DPYD: variants seen among roughly 807,000 people sequenced by gnomAD.
The protein encoded by DPYD is dihydropyrimidine dehydrogenase [NADP(+)].
In DPYD, 109 loss-of-function variants were observed where a neutral mutation model predicts 116.2. The ratio of observed to expected loss-of-function variants is 0.94; its 90% CI spans 0.80 to 1.10. DPYD has a LOEUF of 1.10. Among genes scored for constraint, DPYD ranks in the 50% least tolerant of loss-of-function variants. The pLI is 0.00. For synonymous variants in DPYD, 440 were observed against 432.0 expected (o/e 1.02, Z -0.23); for missense variants, 1,302 against 1,254.5 (o/e 1.04, Z -0.57).
At chr1:97,729,271 T>G (rs1242482944) in intron 4 of DPYD, among the ~76,000 whole-genome samples, 2 of 152,136 alleles carry the variant, frequency 1.3e-5, no homozygotes, top group Non-Finnish European at 2.9e-5. Context: ...CTGCTTATAC[T>G]ATGCACAAGC....
chr1:97,471,998 A>C (rs984080214), intron 13 of DPYD, among the ~76,000 whole-genome samples: 5 of 152,252 alleles, frequency 3.3e-5, no homozygotes, highest in Non-Finnish European at 7.3e-5. Context: ...AGACTTAAAG[A>C]CAGGTCATAT....
intron 2 of DPYD, among the ~76,000 whole-genome samples, chr1:97,853,492 T>C (rs1045144207): frequency 3.3e-5 from 5 of 152,214 alleles, no homozygotes; most frequent in African/African-American, 1.2e-4. Flanking sequence ...ACCTTAAGGC[T>C]GATTTTGTTC....
At chr1:97,469,252 G>T (rs1242023593) in intron 13 of DPYD, among the ~76,000 whole-genome samples, 1 of 151,910 alleles carries the variant, frequency 6.6e-6, no homozygotes, top group African/African-American at 2.4e-5. Context: ...TAGGTCTCCA[G>T]AAGCCTTTTA....
intron 14 of DPYD, among the ~76,000 whole-genome samples, chr1:97,437,047 AAAT>A (rs1451681686): frequency 1.3e-5 from 2 of 151,778 alleles, no homozygotes; most frequent in Non-Finnish European, 2.9e-5. Context: ...AGTATACAAT[AAAT>A]TATACATACT....
intron 8 of DPYD, among the ~76,000 whole-genome samples, chr1:97,610,426 C>A (rs1173560437): frequency 6.6e-6 from 1 of 152,022 alleles, no homozygotes; most frequent in Non-Finnish European, 1.5e-5. Context: ...GTGCAGACTC[C>A]TGATTCTGGA....
At chr1:97,918,686 C>T (rs1004624400) in intron 1 of DPYD, among the ~76,000 whole-genome samples, 56 of 152,164 alleles carry the variant, frequency 3.7e-4, no homozygotes, top group Non-Finnish European at 4.4e-5. Context: ...TTGGCTGTTT[C>T]ACTGAAACCT....
chr1:97,606,342 G>A (rs2100736883), intron 8 of DPYD, among the ~76,000 whole-genome samples: 1 of 152,078 alleles, frequency 6.6e-6, no homozygotes, highest in African/African-American at 2.4e-5. Flanking sequence ...AGAAGGACAT[G>A]TAATAAAAAA....
chr1:97,299,914 G>T (rs1570461786), intron 18 of DPYD, among the ~76,000 whole-genome samples: 1 of 151,984 alleles, frequency 6.6e-6, no homozygotes, highest in East Asian at 1.9e-4. Flanking sequence ...ATGAAAGAGG[G>T]GATTCTTTGT....
chr1:97,529,762 TTCTC>T (rs147792292), intron 12 of DPYD, among the ~76,000 whole-genome samples: 24,008 of 145,398 alleles, frequency 0.17, 2,053 homozygotes, highest in East Asian at 0.22. Flanking sequence ...CTTTCTTTCT[TTCTC>T]TTTCTTCTTT....
intron 19 of DPYD, among the ~76,000 whole-genome samples, chr1:97,227,530 C>T (rs1661273086): frequency 6.6e-6 from 1 of 151,618 alleles, no homozygotes; most frequent in Non-Finnish European, 1.5e-5. Context: ...TAAATATGTA[C>T]ACCTACTATG....
At chr1:97,179,425 T>G (rs1477235564) in intron 20 of DPYD, among the ~76,000 whole-genome samples, 1 of 151,970 alleles carries the variant, frequency 6.6e-6, no homozygotes, top group Non-Finnish European at 1.5e-5. Context: ...GCTGAGCAAA[T>G]GAAGAGACTA....
intron 2 of DPYD, among the ~76,000 whole-genome samples, chr1:97,871,411 C>T (rs951693886): frequency 2.0e-5 from 3 of 151,698 alleles, no homozygotes; most frequent in Non-Finnish European, 4.4e-5. Context: ...ACTCTTGGGC[C>T]ATTCTAAGAG....
chr1:97,583,358 G>A (rs888065843), intron 10 of DPYD, among the ~76,000 whole-genome samples: 8 of 152,068 alleles, frequency 5.3e-5, no homozygotes, highest in African/African-American at 1.9e-4. Flanking sequence ...GGGTACATGT[G>A]CACAATGTGC....
At chr1:97,767,374 G>A (rs1665920771) in intron 3 of DPYD, among the ~76,000 whole-genome samples, 1 of 151,994 alleles carries the variant, frequency 6.6e-6, no homozygotes, top group African/African-American at 2.4e-5. Flanking sequence ...CTTATCAAAG[G>A]GTAGGCTTTT....
intron 16 of DPYD, among the ~76,000 whole-genome samples, chr1:97,314,990 G>A (rs1667730788): frequency 1.3e-5 from 2 of 152,096 alleles, no homozygotes; most frequent in South Asian, 4.1e-4. Flanking sequence ...TGGAAGCAGG[G>A]CTCAGACCCT....
At chr1:97,208,045 G>A (rs958672572) in intron 19 of DPYD, among the ~76,000 whole-genome samples, 33 of 152,240 alleles carry the variant, frequency 2.2e-4, no homozygotes, top group African/African-American at 7.5e-4. Context: ...CACTGCACAT[G>A]CCCAGTAAAG....
chr1:97,320,514 T>C (rs1031931146), intron 16 of DPYD, among the ~76,000 whole-genome samples: 3 of 50,316 alleles, frequency 6.0e-5, no homozygotes, highest in African/African-American at 2.0e-4. Context: ...TACCTAGGAA[T>C]CCAACTTACA....
At chr1:97,603,908 GA>G (rs535166762) in intron 8 of DPYD, among the ~76,000 whole-genome samples, 1 of 152,000 alleles carries the variant, frequency 6.6e-6, no homozygotes, top group Non-Finnish European at 1.5e-5. Context: ...TATAGTACTG[GA>G]AAAAAATGAG....
At chr1:97,880,588 C>T (rs1179530688) in intron 2 of DPYD, among the ~76,000 whole-genome samples, 6 of 151,714 alleles carry the variant, frequency 4.0e-5, no homozygotes, top group Admixed American at 1.3e-4. Flanking sequence ...GACATCAGTG[C>T]AATAAATCTG....
Sources: gnomAD v4.1 joint callset for allele counts (sites outside exome capture counted in the v4.1 genomes callset) on GRCh38, gnomAD v4.1.1 for gene constraint, MANE v1.5 for transcripts, NCBI Gene and HGNC (gene_info 2026-07-23, HGNC 2026-07-21) for gene names.